Variants in CNTN4 observed in about 807,000 individuals in gnomAD.
CNTN4 encodes contactin-4.
CNTN4 carries 77 observed loss-of-function variants against 122.5 expected under a neutral mutation model. The observed-to-expected ratio is 0.63, with a 90% CI of 0.52 to 0.76. The LOEUF (loss-of-function observed/expected upper bound fraction) is 0.76. CNTN4 is among the 30% of genes least tolerant of loss of function. CNTN4 has a pLI of 0.00. For synonymous variants in CNTN4, 512 were observed against 447.0 expected (o/e 1.15, Z -1.83); for missense variants, 1,256 against 1,259.1 (o/e 1.00, Z 0.04).
At chr3:2,437,080 G>A (rs2048282928) in intron 3 of CNTN4, among the ~76,000 whole-genome samples, 1 of 151,976 alleles carries the variant, frequency 6.6e-6, no homozygotes, top group African/African-American at 2.4e-5. Context: ...GACAGATTGT[G>A]TTAAGTGTTT....
At chr3:3,050,313 C>A (rs966432041) in intron 23 of CNTN4, among the ~76,000 whole-genome samples, 18 of 152,178 alleles carry the variant, frequency 1.2e-4, no homozygotes, top group African/African-American at 3.6e-4. Flanking sequence ...CTATGACAGC[C>A]AAACAAATAA....
intron 3 of CNTN4, among the ~76,000 whole-genome samples, chr3:2,559,588 G>A (rs1336233417): frequency 6.6e-6 from 1 of 152,044 alleles, no homozygotes; most frequent in African/African-American, 2.4e-5. Flanking sequence ...GAAAAAGGTT[G>A]TCATTTTTAT....
At chr3:2,178,631 A>C (rs768579210) in intron 2 of CNTN4, among the ~76,000 whole-genome samples, 11 of 152,102 alleles carry the variant, frequency 7.2e-5, no homozygotes, top group Non-Finnish European at 1.5e-4. Context: ...TTCCATGTTA[A>C]CTTAATGCAG....
chr3:2,961,294 C>T (rs1332785587), intron 13 of CNTN4, among the ~76,000 whole-genome samples: 1 of 149,810 alleles, frequency 6.7e-6, no homozygotes, highest in Non-Finnish European at 1.5e-5. Context: ...GGCCTAGTCC[C>T]CCTCATCACC....
chr3:2,758,018 A>C (rs149857766), intron 6 of CNTN4, among the ~76,000 whole-genome samples: 9 of 152,254 alleles, frequency 5.9e-5, no homozygotes, highest in African/African-American at 2.2e-4. Context: ...CATAGCCTCT[A>C]CTTTTTTTTC....
At chr3:2,835,473 A>G (rs1207266529) in intron 7 of CNTN4, among the ~76,000 whole-genome samples, 1 of 152,200 alleles carries the variant, frequency 6.6e-6, no homozygotes, top group African/African-American at 2.4e-5. Flanking sequence ...AAGCACTTCC[A>G]TAAATCCTAT....
In CNTN4 at chr3:2,575,403, C is replaced by T. The variant is rs555845781; in HGVS notation, c.55+3845C>T. 2.2e-4 allele frequency among the ~76,000 whole-genome samples: 34 copies of T among 151,624 alleles called. 1 individual carries two copies. In the South Asian group the frequency reaches 6.7e-3, roughly 30 times the overall value. On this transcript the variant is annotated intron_variant, in intron 4 of 24. Transcript: ENST00000418658. The stretch of plus-strand genomic sequence containing the variant: ...GTGCACGTCTATAATGTCAGCTGCT[C>T]GGGAGGCTGAGGCATGAGAATCACT...
At position 2,121,235 on chromosome 3, in the gene CNTN4, A is replaced by G. The variant is rs529518316; in HGVS notation, c.-145+20596A>G. 3.3e-5 allele frequency among the ~76,000 whole-genome samples: 5 copies of G among 152,244 alleles called. No homozygotes were observed. The South Asian group carries it at 1.0e-3, about 32-fold the overall frequency. On this transcript the variant is annotated intron_variant, in intron 2 of 24. Transcript: ENST00000418658. Reference sequence around the variant, plus strand: ...TATCATTTCAGGCATAAGAAATTATATGCCGTGTAATCCCAGCACTCTGGG... The same window carrying G: ...TATCATTTCAGGCATAAGAAATTATGTGCCGTGTAATCCCAGCACTCTGGG...
intron 8 of CNTN4, among the ~76,000 whole-genome samples, chr3:2,872,143 C>G (rs1559603872): frequency 6.6e-6 from 1 of 152,250 alleles, no homozygotes; most frequent in South Asian, 2.1e-4. Context: ...AAAGAGTTAT[C>G]CCTAAATTTC....
At chr3:2,818,171 A>G (rs1363744209) in intron 6 of CNTN4, among the ~76,000 whole-genome samples, 1 of 152,222 alleles carries the variant, frequency 6.6e-6, no homozygotes, top group Admixed American at 6.5e-5. Flanking sequence ...AGTTGGCAAA[A>G]TCAGATGGTA....
chr3:2,108,696 G>A (rs147956578), intron 2 of CNTN4, among the ~76,000 whole-genome samples: 1 of 152,212 alleles, frequency 6.6e-6, no homozygotes, highest in African/African-American at 2.4e-5. Flanking sequence ...GGAATAGTAT[G>A]TGTTTTGTAG....
intron 2 of CNTN4, among the ~76,000 whole-genome samples, chr3:2,275,706 G>A (rs1369580785): frequency 6.6e-6 from 1 of 151,910 alleles, no homozygotes; most frequent in Non-Finnish European, 1.5e-5. Flanking sequence ...CGGATCATGA[G>A]GTCAGGCATT....
intron 3 of CNTN4, among the ~76,000 whole-genome samples, chr3:2,527,409 A>ATGCTGCTGCTGC (rs34099392): frequency 1.2e-4 from 18 of 150,028 alleles, no homozygotes; most frequent in African/African-American, 2.2e-4. Flanking sequence ...GGAACAATGT[A>ATGCTGCTGCTGC]TGCTGCTGCT....
intron 2 of CNTN4, among the ~76,000 whole-genome samples, chr3:2,246,036 A>G (rs893085709): frequency 1.3e-4 from 20 of 152,090 alleles, no homozygotes; most frequent in African/African-American, 4.6e-4. Flanking sequence ...TCTTAGATAA[A>G]TACCTTTCTG....
intron 4 of CNTN4, among the ~76,000 whole-genome samples, chr3:2,637,547 G>A (rs2082714948): frequency 6.6e-6 from 1 of 151,998 alleles, no homozygotes; most frequent in Non-Finnish European, 1.5e-5. Flanking sequence ...GCAATACAGG[G>A]GCCCAAGTAT....
rs563968498 is a variant in CNTN4, at chr3:2,849,172, C to A, written c.455-17580C>A. Reference sequence around the variant, plus strand: ...TTCAAGAAACTTGATTCTCCTAAAACTGTATCTCTGCTGAATATATCCCAC... The same window carrying A: ...TTCAAGAAACTTGATTCTCCTAAAAATGTATCTCTGCTGAATATATCCCAC... On this transcript the variant is annotated intron_variant, in intron 7 of 24. Coordinates refer to ENST00000418658, the MANE Select transcript of CNTN4 (RefSeq NM_175607.3). 1.5e-3 allele frequency among the ~76,000 whole-genome samples: 228 copies of A among 152,330 alleles called. 1 individual carries two copies. The highest frequency in any genetic ancestry group is 2.9e-3 in the Non-Finnish European group (194 of 68,030).
intron 2 of CNTN4, among the ~76,000 whole-genome samples, chr3:2,170,276 C>A (rs560293287): frequency 2.0e-5 from 3 of 151,744 alleles, no homozygotes; most frequent in Admixed American, 6.6e-5. Flanking sequence ...GCCGAGATCG[C>A]GCCACCGCAC....
chr3:2,887,370 C>A, intron 10 of CNTN4, 146 bp downstream of exon 10: 4 of 717,360 alleles, frequency 5.6e-6, no homozygotes, highest in Non-Finnish European at 9.4e-6. Context: ...ATAATCAGCC[C>A]TGGTTGATTC....
intron 2 of CNTN4, among the ~76,000 whole-genome samples, chr3:2,132,781 A>G (rs1224863674): frequency 6.6e-6 from 1 of 152,098 alleles, no homozygotes; most frequent in Non-Finnish European, 1.5e-5. Flanking sequence ...CTTATTTAAA[A>G]CTTCTGATGG....
Sources: allele counts gnomAD v4.1 joint callset (sites outside exome capture counted in the v4.1 genomes callset), GRCh38; gene constraint gnomAD v4.1.1; transcripts MANE v1.5; gene names NCBI Gene and HGNC (gene_info 2026-07-23, HGNC 2026-07-21).